CNTNAP5: variants seen among roughly 807,000 people sequenced by gnomAD.
The protein encoded by CNTNAP5 is contactin-associated protein-like 5.
In CNTNAP5, 72 loss-of-function variants were observed where a neutral mutation model predicts 150.2. The ratio of observed to expected loss-of-function variants is 0.48; its 90% CI spans 0.40 to 0.58. CNTNAP5 has a LOEUF of 0.58. Ranked by LOEUF, CNTNAP5 falls within the 20% of genes least tolerant of loss-of-function variation. The pLI is 0.00. For missense variants in CNTNAP5, 1,636 were observed against 1,626.2 expected (o/e 1.01, Z -0.10); for synonymous variants, 672 against 619.8 (o/e 1.08, Z -1.25).
At chr2:124,806,463 G>A (rs772915667) in intron 19 of CNTNAP5, among the ~76,000 whole-genome samples, 10 of 152,172 alleles carry the variant, frequency 6.6e-5, no homozygotes, top group Non-Finnish European at 1.3e-4. Flanking sequence ...ATGTATGTGT[G>A]GGAGGCAGGG....
chr2:124,446,630 C>T, intron 5 of CNTNAP5, 123 bp from the exon 6 acceptor site: 4 of 915,774 alleles, frequency 4.4e-6, no homozygotes, highest in Non-Finnish European at 4.9e-6. Flanking sequence ...AGTTCCAGGC[C>T]TGTAGGGAGA....
At chr2:124,349,721 A>G (rs1322725997) in intron 3 of CNTNAP5, among the ~76,000 whole-genome samples, 1 of 152,044 alleles carries the variant, frequency 6.6e-6, no homozygotes, top group Non-Finnish European at 1.5e-5. Flanking sequence ...ACACTGTAAG[A>G]TATTTTTACT....
chr2:124,651,702 A>G (rs1678325982), intron 13 of CNTNAP5, among the ~76,000 whole-genome samples: 1 of 152,234 alleles, frequency 6.6e-6, no homozygotes, highest in South Asian at 2.1e-4. Context: ...ATGATTTTGT[A>G]TAAATTTCCT....
intron 2 of CNTNAP5, among the ~76,000 whole-genome samples, chr2:124,236,213 G>A (rs757679046): frequency 2.6e-5 from 4 of 152,030 alleles, no homozygotes; most frequent in Non-Finnish European, 4.4e-5. Context: ...TGATCCGCCC[G>A]CCTTGGCCTC....
At chr2:124,845,974 T>TTTG (rs59282495) in intron 19 of CNTNAP5, among the ~76,000 whole-genome samples, 7,420 of 151,676 alleles carry the variant, frequency 0.049, 583 homozygotes, top group African/African-American at 0.17. Flanking sequence ...TTTTGTCATT[T>TTTG]TTGTTGTTGT....
chr2:124,310,207 T>C (rs13393254), intron 3 of CNTNAP5, among the ~76,000 whole-genome samples: 9,411 of 152,220 alleles, frequency 0.062, 346 homozygotes, highest in Non-Finnish European at 0.076. Flanking sequence ...AGGTGGTTCC[T>C]GGAACCCTGT....
rs11349290 is a variant in CNTNAP5, at chr2:124,837,180, C to CA, written c.3218-28113dup. Among the ~76,000 whole-genome samples the CA allele has an allele frequency of 6.3e-3, 834 of 132,096 alleles. 3 individuals are homozygous for CA. The highest frequency in any genetic ancestry group is 0.013 in the African/African-American group (501 of 37,138). 86.7% of individuals were successfully genotyped at this position (132,096 alleles called of 152,430 possible). ...ATAGGATTTTCCAGAGTATGACTAT[C>CA]AAAAAAAAAAAAAGGTTAAATGCAG... On this transcript the variant is annotated intron_variant, in intron 19 of 23. Coordinates refer to ENST00000682447, the MANE Select transcript of CNTNAP5 (RefSeq NM_001367498.1).
intron 13 of CNTNAP5, among the ~76,000 whole-genome samples, chr2:124,670,390 C>A (rs929288492): frequency 3.9e-5 from 6 of 152,042 alleles, no homozygotes; most frequent in African/African-American, 1.4e-4. Flanking sequence ...AATGTCTACT[C>A]AGCTCCTTTG....
Position 124,798,113 on chromosome 2 carries a change from G to C in CNTNAP5, c.3010G>C (p.Glu1004Gln). ...FCKKEVSAVF[E>Q]AGTSVTYMFQ... ...TTTTGCAGAGGTTTCTGCTGTTTTT[G>C]AGGCTGGCACGTCGGTTACTTACAT... Residue 1004 changes from glutamate (E) to glutamine (Q), a missense_variant, in exon 19 of 24, where the codon GAG becomes CAG. Transcript: ENST00000682447. 1 of 1,611,104 alleles carries C rather than the reference G, an allele frequency of 6.2e-7. No homozygotes were observed. The highest frequency in any genetic ancestry group is 8.5e-7 in the Non-Finnish European group (1 of 1,178,376).
At chr2:124,140,380 AGTGTC>A (rs1684090720) in intron 1 of CNTNAP5, among the ~76,000 whole-genome samples, 1 of 150,882 alleles carries the variant, frequency 6.6e-6, no homozygotes, top group African/African-American at 2.4e-5. Flanking sequence ...TGCAGACTTA[AGTGTC>A]CCTGTCTGAC....
chr2:124,249,958 C>CTT (rs35650115), intron 3 of CNTNAP5, among the ~76,000 whole-genome samples: 1 of 110,072 alleles, frequency 9.1e-6, no homozygotes, highest in South Asian at 3.0e-4. Context: ...AGGATGAATT[C>CTT]TTTTGTGTGT....
At chr2:124,305,237 C>G (rs1034511249) in intron 3 of CNTNAP5, among the ~76,000 whole-genome samples, 9 of 150,858 alleles carry the variant, frequency 6.0e-5, no homozygotes, top group African/African-American at 2.0e-4. Context: ...GAGATTGCAC[C>G]ACTGCACTCT....
chr2:124,299,377 C>T (rs1242502037), intron 3 of CNTNAP5, among the ~76,000 whole-genome samples: 8 of 152,112 alleles, frequency 5.3e-5, no homozygotes, highest in African/African-American at 1.7e-4. Flanking sequence ...TGCATTTTTC[C>T]CTTCTATGTA....
chr2:124,769,528 G>A (rs1459838608), intron 16 of CNTNAP5, among the ~76,000 whole-genome samples: 2 of 152,130 alleles, frequency 1.3e-5, no homozygotes, highest in Non-Finnish European at 2.9e-5. Flanking sequence ...TGCTGTCATT[G>A]GTCTTCTCCC....
In CNTNAP5 at chr2:124,302,289, G is replaced by T. The variant is rs72964626; in HGVS notation, c.381+59896G>T. ...TAAATAAATAAATAAGTAAAAGCATGCTATCCCTATCCCTTTGCTCTGTTT... is the reference window on the plus strand; with the variant it reads ...TAAATAAATAAATAAGTAAAAGCATTCTATCCCTATCCCTTTGCTCTGTTT... On this transcript the variant is annotated intron_variant, in intron 3 of 23. Coordinates refer to ENST00000682447, the MANE Select transcript of CNTNAP5 (RefSeq NM_001367498.1). 2.4e-3 allele frequency among the ~76,000 whole-genome samples: 371 copies of T among 152,148 alleles called. 3 individuals carry two copies. Among genetic ancestry groups the T allele is most frequent in the African/African-American group, 8.3e-3 (344 of 41,572 alleles).
At chr2:124,300,093 T>G (rs1030498487) in intron 3 of CNTNAP5, among the ~76,000 whole-genome samples, 1 of 152,226 alleles carries the variant, frequency 6.6e-6, no homozygotes, top group African/African-American at 2.4e-5. Context: ...TAAAACTGCT[T>G]TCACATCCAT....
chr2:124,041,535 GT>G (rs1681372389), intron 1 of CNTNAP5, among the ~76,000 whole-genome samples: 1 of 152,146 alleles, frequency 6.6e-6, no homozygotes, highest in Non-Finnish European at 1.5e-5. Context: ...CTGTCAATTA[GT>G]TTAGTTTGTG....
chr2:124,119,868 TC>T (rs1683519698), intron 1 of CNTNAP5, among the ~76,000 whole-genome samples: 1 of 152,208 alleles, frequency 6.6e-6, no homozygotes, highest in Admixed American at 6.5e-5. Flanking sequence ...GCTCTTTACA[TC>T]AGGGAATAGT....
intron 19 of CNTNAP5, among the ~76,000 whole-genome samples, chr2:124,822,527 A>T (rs1322134108): frequency 6.6e-6 from 1 of 152,212 alleles, no homozygotes; most frequent in Non-Finnish European, 1.5e-5. Flanking sequence ...GTCCCCTTCC[A>T]ACGAGATGTA....
Sources: gnomAD v4.1 joint callset for allele counts (sites outside exome capture counted in the v4.1 genomes callset) on GRCh38, gnomAD v4.1.1 for gene constraint, MANE v1.5 for transcripts, NCBI Gene and HGNC (gene_info 2026-07-23, HGNC 2026-07-21) for gene names.